NSD3: variants seen among roughly 807,000 people sequenced by gnomAD.
NSD3 encodes the protein nuclear receptor binding SET domain protein 3.
NSD3 carries 24 observed loss-of-function variants against 160.8 expected under a neutral mutation model. That is an observed-to-expected ratio of 0.15 (90% CI 0.11 to 0.21). NSD3 has a LOEUF of 0.21. Among genes scored for constraint, NSD3 ranks in the 10% least tolerant of loss-of-function variants. The probability of loss-of-function intolerance (pLI) is 1.00; values close to 1 mark genes in which losing one functional copy is unlikely to be tolerated. For synonymous variants in NSD3, 520 were observed against 600.0 expected (o/e 0.87, Z 1.95); for missense variants, 1,157 against 1,735.9 (o/e 0.67, Z 5.93).
chr8:38,280,914 G>A (rs1327163100), intron 20 of NSD3, among the ~76,000 whole-genome samples: 1 of 151,800 alleles, frequency 6.6e-6, no homozygotes, highest in African/African-American at 2.4e-5. Flanking sequence ...CACCACACCT[G>A]GCTAACTTTA....
chr8:38,288,139 G>A lies in NSD3; in HGVS notation c.3501+348C>T, dbSNP rs888128636. ...CAAGGCTTGAGTGAGCTATGAACACGCCACTGTATTCCAGCATGGGTAACA... is the reference window on the plus strand; with the variant it reads ...CAAGGCTTGAGTGAGCTATGAACACACCACTGTATTCCAGCATGGGTAACA... On this transcript the variant is annotated intron_variant, in intron 19 of 23. Transcript: ENST00000317025. This position sits in a 1 kb window ranked among gnomAD's most constrained non-coding sequence, Gnocchi z 4.5. Among the ~76,000 whole-genome samples the A allele has an allele frequency of 4.0e-5, 6 of 151,894 alleles. No homozygotes were observed. Among genetic ancestry groups the A allele is most frequent in the African/African-American group, 1.2e-4 (5 of 41,318 alleles).
chr8:38,338,681 A>T, intron 2 of NSD3, 74 bp from the exon 3 acceptor site: 1 of 1,165,770 alleles, frequency 8.6e-7, no homozygotes, highest in African/African-American at 1.5e-5. Context: ...AGTGACATAC[A>T]TAAAAAGAAT....
Position 38,295,805 on chromosome 8 carries a change from C to A in NSD3, c.2906G>T (p.Gly969Val). Residue 969 changes from glycine to valine, a missense_variant, in exon 16 of 24, where the codon GGA becomes GTA. This residue lies in a region of NSD3 where 437 missense variants were observed against 576.6 expected (regional missense o/e 0.76). Coordinates refer to ENST00000317025, the MANE Select transcript of NSD3 (RefSeq NM_023034.2). ...HYKQIVWVKL[G>V]NYRWWPAEIC... The stretch of plus-strand genomic sequence containing the variant: ...TCTTGGAAAAACTTGCCTGTAATTT[C>A]CCAATTTGACCCAAACAATCTGCTT... The A allele has an allele frequency of 6.2e-7, 1 of 1,611,594 alleles. No homozygotes were observed. Among genetic ancestry groups the A allele is most frequent in the Non-Finnish European group, 8.5e-7 (1 of 1,179,448 alleles).
At chr8:38,287,641 A>C (rs1177895691) in intron 19 of NSD3, among the ~76,000 whole-genome samples, 1 of 151,922 alleles carries the variant, frequency 6.6e-6, no homozygotes, top group Non-Finnish European at 1.5e-5. Context: ...TGGCATTTTA[A>C]AATTACAAAC....
At chr8:38,347,345 A>G (rs1810561186) in intron 2 of NSD3, 152 bp downstream of exon 2, 3 of 756,628 alleles carry the variant, frequency 4.0e-6, no homozygotes, top group East Asian at 5.4e-5. Context: ...ACAAATACTC[A>G]GCACCTATTA....
At chr8:38,359,131 T>C (rs1418285816) in intron 1 of NSD3, among the ~76,000 whole-genome samples, 1 of 152,174 alleles carries the variant, frequency 6.6e-6, no homozygotes, top group Non-Finnish European at 1.5e-5. Context: ...CTATAAGTTA[T>C]AAATTCTGGT....
chr8:38,357,112 C>T (rs1484048333), intron 1 of NSD3, among the ~76,000 whole-genome samples: 1 of 76,412 alleles, frequency 1.3e-5, no homozygotes, highest in East Asian at 4.6e-4. Context: ...AAGCAAGACA[C>T]CATCTCAAAA....
At chr8:38,359,848 TCTCA>T (rs1057373714) in intron 1 of NSD3, among the ~76,000 whole-genome samples, 2 of 152,192 alleles carry the variant, frequency 1.3e-5, no homozygotes, top group Non-Finnish European at 2.9e-5. Context: ...ATAAAATAGA[TCTCA>T]CTATTTCATC....
At chr8:38,279,159 T>A (rs1208706296) in intron 21 of NSD3, among the ~76,000 whole-genome samples, 1 of 152,246 alleles carries the variant, frequency 6.6e-6, no homozygotes, top group African/African-American at 2.4e-5. Flanking sequence ...AGGAACCAGC[T>A]GCTGTTAACA....
intron 4 of NSD3, among the ~76,000 whole-genome samples, chr8:38,336,758 T>C (rs1027555308): frequency 2.6e-5 from 4 of 152,074 alleles, no homozygotes; most frequent in East Asian, 1.9e-4. Flanking sequence ...TATAAGCAAA[T>C]GTAGGGTATC....
Position 38,303,974 on chromosome 8 carries a change from G to A in NSD3, c.2611+613C>T, listed in dbSNP as rs114838387. Among the ~76,000 whole-genome samples the A allele has an allele frequency of 3.4e-3, 525 of 152,218 alleles. 3 individuals carry two copies. The highest frequency in any genetic ancestry group is 0.012 in the African/African-American group (491 of 41,544). On this transcript the variant is annotated intron_variant, in intron 14 of 23. Transcript: ENST00000317025. ...CATGAACCCAAGTTCACTGACCCCCGTAGGGCTACAGTATTGTTTTTAGTT... is the reference window on the plus strand; with the variant it reads ...CATGAACCCAAGTTCACTGACCCCCATAGGGCTACAGTATTGTTTTTAGTT...
chr8:38,282,266 A>G (rs1808748792), intron 19 of NSD3, among the ~76,000 whole-genome samples: 1 of 152,226 alleles, frequency 6.6e-6, no homozygotes, highest in Non-Finnish European at 1.5e-5. Flanking sequence ...GCCTCACCAC[A>G]GAGATTCCTT....
At position 38,304,692 on chromosome 8, in the gene NSD3, C is replaced by T. The variant is rs1388405525; in HGVS notation, c.2506G>A (p.Gly836Arg). The change falls in exon 14 of 24, where the codon GGA becomes AGA. Residue 836 changes from glycine to arginine, a missense_variant. Coordinates refer to ENST00000317025, the MANE Select transcript of NSD3 (RefSeq NM_023034.2). ...YHSGDACIAA[G>R]SMLVSSYILI... ...ATGTAGGAGGATACTAACATGCTTC[C>T]GGCCGCAATGCAAGCATCTCCAGAG... 1.2e-6 allele frequency: 2 copies of T among 1,613,944 alleles called. No individual in the cohort carries two copies. The highest frequency in any genetic ancestry group is 1.7e-6 in the Non-Finnish European group (2 of 1,179,964).
rs944141057 is a variant in NSD3 at position 38,370,815 on chromosome 8, TA to T, written c.-45+10983del. ...TTTGGGTATGTGAATTATATCTCAATAAAACTATTATTTTAAAAAATCTTTC... is the reference window on the plus strand; with the variant it reads ...TTTGGGTATGTGAATTATATCTCAATAAACTATTATTTTAAAAAATCTTTC... On this transcript the variant is annotated intron_variant, in intron 1 of 23. Coordinates refer to ENST00000317025, the MANE Select transcript of NSD3 (RefSeq NM_023034.2). 5.3e-5 allele frequency among the ~76,000 whole-genome samples: 8 copies of T among 152,272 alleles called. No individual in the cohort carries two copies. In the East Asian group the frequency reaches 1.5e-3, roughly 29 times the overall value.
intron 1 of NSD3, among the ~76,000 whole-genome samples, chr8:38,367,715 A>T (rs1811138513): frequency 1.3e-5 from 2 of 152,170 alleles, no homozygotes; most frequent in South Asian, 4.1e-4. Flanking sequence ...CTGTCTCAAA[A>T]AAATAAATAA....
At chr8:38,320,378 G>GA (rs1394949984) in intron 8 of NSD3, 2 of 151,992 alleles carry the variant, frequency 1.3e-5, no homozygotes, top group Non-Finnish European at 1.5e-5. Context: ...AAAAAATTAA[G>GA]AAAAAATCTG....
chr8:38,350,098 G>A (rs572452718), intron 1 of NSD3, among the ~76,000 whole-genome samples: 30 of 152,120 alleles, frequency 2.0e-4, no homozygotes, highest in African/African-American at 3.1e-4. Flanking sequence ...TTGGACATTC[G>A]GGTTGGTTCC....
rs1390578817 is a variant in NSD3, at chr8:38,316,987, A to C, written c.1856-945T>G. ...AAGGAGACGGTTAATATTTCAACCC[A>C]CAGTTTGTGTTTTGGATTTTTTCCC... On this transcript the variant is annotated intron_variant, in intron 9 of 23. Coordinates refer to ENST00000317025, the MANE Select transcript of NSD3 (RefSeq NM_023034.2). This position sits in a 1 kb window ranked among gnomAD's most constrained non-coding sequence, Gnocchi z 4.5. The C allele has an allele frequency of 3.8e-6, 4 of 1,060,000 alleles. No individual in the cohort carries two copies. The highest frequency in any genetic ancestry group is 4.6e-5 in the South Asian group (1 of 21,928). 65.7% of individuals were successfully genotyped at this position (1,060,000 alleles called of 1,614,324 possible). A position where few individuals can be genotyped will look rare whatever the true frequency, so the allele number is the denominator to read the frequency against.
In NSD3 at chr8:38,288,916, T is replaced by C. The variant is rs1808930646; in HGVS notation, c.3232-160A>G. ...CTGAGATTAATAACCATCTCTTTTG[T>C]CATTTAGTTGACAAAAATATCAAAG... On this transcript the variant is annotated intron_variant, in intron 18 of 23. Transcript: ENST00000317025. This position sits in a 1 kb window ranked among gnomAD's most constrained non-coding sequence, Gnocchi z 4.5. Among the ~76,000 whole-genome samples the C allele has an allele frequency of 6.6e-6, 1 of 152,230 alleles. No homozygotes were observed. The highest frequency in any genetic ancestry group is 1.5e-5 in the Non-Finnish European group (1 of 68,034).
Sources: allele counts gnomAD v4.1 joint callset (sites outside exome capture counted in the v4.1 genomes callset), GRCh38; gene constraint gnomAD v4.1.1; regional missense constraint gnomAD v4.1.1; non-coding constraint Gnocchi (gnomAD v3.1); transcripts MANE v1.5; gene names NCBI Gene and HGNC (gene_info 2026-07-23, HGNC 2026-07-21).